The following ADAMTSL3 variants were observed in gnomAD, a reference collection of about 807,000 sequenced individuals.
ADAMTSL3 encodes ADAMTS like 3.
ADAMTSL3 carries 128 observed loss-of-function variants against 201.7 expected under a neutral mutation model. The ratio of observed to expected loss-of-function variants is 0.63; its 90% CI spans 0.55 to 0.73. ADAMTSL3 has a LOEUF of 0.73. ADAMTSL3 is among the 30% of genes least tolerant of loss of function. The probability of loss-of-function intolerance (pLI) is 0.00; values close to 1 mark genes in which losing one functional copy is unlikely to be tolerated. For missense variants in ADAMTSL3, 1,990 were observed against 2,119.6 expected, an observed-to-expected ratio of 0.94 and a Z score of 1.20; for synonymous variants, 738 against 748.4, an observed-to-expected ratio of 0.99 and a Z score of 0.23.
At chr15:83,876,112 A>T (rs191456497) in intron 9 of ADAMTSL3, among the ~76,000 whole-genome samples, 96 of 152,236 alleles carry the variant, frequency 6.3e-4, no homozygotes, top group Middle Eastern at 3.4e-3. Flanking sequence ...GAAGTATCCA[A>T]TTCATCCATT....
chr15:83,752,512 C>T (rs1030718455), intron 3 of ADAMTSL3, among the ~76,000 whole-genome samples: 6 of 152,180 alleles, frequency 3.9e-5, no homozygotes, highest in East Asian at 1.9e-4. Flanking sequence ...CATACATACA[C>T]GCACAAATTT....
At chr15:83,738,113 G>T (rs2062396247) in intron 3 of ADAMTSL3, among the ~76,000 whole-genome samples, 1 of 152,060 alleles carries the variant, frequency 6.6e-6, no homozygotes, top group Admixed American at 6.5e-5. Context: ...ACAAAAACAA[G>T]AATCTAACAA....
At chr15:83,981,675 C>T (rs2067386997) in intron 20 of ADAMTSL3, among the ~76,000 whole-genome samples, 1 of 152,236 alleles carries the variant, frequency 6.6e-6, no homozygotes, top group South Asian at 2.1e-4. Flanking sequence ...ATTGCTTCTT[C>T]AGACCCCCAT....
chr15:83,700,686 C>T (rs1001783383), intron 2 of ADAMTSL3, among the ~76,000 whole-genome samples: 3 of 152,212 alleles, frequency 2.0e-5, no homozygotes, highest in South Asian at 2.1e-4. Context: ...ATTGCTTGAA[C>T]CTGTGAGGCG....
chr15:83,859,425 C>T lies in ADAMTSL3; in HGVS notation c.802+585C>T, dbSNP rs140201648. ...GAGTTCAGCCTCAGTTCCCTCTTAC[C>T]GGAGGTCTCTGTGCCGGTGGATCCA... On this transcript the variant is annotated intron_variant, in intron 8 of 29. Coordinates refer to ENST00000286744, the MANE Select transcript of ADAMTSL3 (RefSeq NM_207517.3). Among the ~76,000 whole-genome samples the T allele has an allele frequency of 5.3e-5, 8 of 152,268 alleles. No homozygotes were observed. In the East Asian group the frequency reaches 5.8e-4, roughly 11 times the overall value.
chr15:84,019,359 G>A lies in ADAMTSL3; in HGVS notation c.4274-2051G>A, dbSNP rs1039857354. Among the ~76,000 whole-genome samples, 12 of 151,626 alleles carry A rather than the reference G, an allele frequency of 7.9e-5. No homozygotes were observed. In the South Asian group the frequency reaches 8.3e-4, roughly 11 times the overall value. ...TTAGCAGCTCCTAAAAAAGTTAAGCGCACACCTACCCTCGACCTAGCAGTT... is the reference window on the plus strand; with the variant it reads ...TTAGCAGCTCCTAAAAAAGTTAAGCACACACCTACCCTCGACCTAGCAGTT... On this transcript the variant is annotated intron_variant, in intron 25 of 29. Coordinates refer to ENST00000286744, the MANE Select transcript of ADAMTSL3 (RefSeq NM_207517.3).
intron 20 of ADAMTSL3, among the ~76,000 whole-genome samples, chr15:83,972,994 A>C (rs909116677): frequency 6.6e-6 from 1 of 152,058 alleles, no homozygotes; most frequent in Admixed American, 6.6e-5. Context: ...CATACCTTCA[A>C]AGGCACCATG....
intron 7 of ADAMTSL3, among the ~76,000 whole-genome samples, chr15:83,843,410 A>G (rs2064425145): frequency 6.6e-6 from 1 of 152,292 alleles, no homozygotes; most frequent in East Asian, 1.9e-4. Context: ...AAGGTAGCAA[A>G]GATTCCTGCC....
At chr15:83,660,835 T>G (rs1376484387) in intron 2 of ADAMTSL3, among the ~76,000 whole-genome samples, 1 of 151,690 alleles carries the variant, frequency 6.6e-6, no homozygotes, top group African/African-American at 2.4e-5. Context: ...CTTTTGGTGT[T>G]TTGGACATGA....
intron 6 of ADAMTSL3, among the ~76,000 whole-genome samples, chr15:83,830,776 C>A (rs2064139028): frequency 6.6e-6 from 1 of 152,162 alleles, no homozygotes; most frequent in African/African-American, 2.4e-5. Context: ...CCATTCCTTG[C>A]CTCTCTTCCA....
chr15:83,682,946 T>A (rs1341424474), intron 2 of ADAMTSL3, among the ~76,000 whole-genome samples: 1 of 152,252 alleles, frequency 6.6e-6, no homozygotes, highest in Non-Finnish European at 1.5e-5. Context: ...TCTGGTGGAC[T>A]AAACTGCCTA....
In ADAMTSL3 at chr15:83,983,081, C is replaced by T. The variant is rs1343664969; in HGVS notation, c.3453C>T (p.Leu1151=). 6.2e-7 allele frequency: 1 copy of T among 1,614,104 alleles called. No individual in the cohort carries two copies. Among genetic ancestry groups the T allele is most frequent in the South Asian group, 1.1e-5 (1 of 91,082 alleles). The change falls in exon 21 of 30, where the codon CTC becomes CTT. Residue 1151 remains leucine (L), a synonymous_variant. Transcript: ENST00000286744. ...AAGAGACACCTCCTGCTGCTCAGCT[C>T]AGAGGGGAAACAGGGAGTGTGTCCC... ...IQEETPPAAQ[L]RGETGSVSQS...
intron 7 of ADAMTSL3, among the ~76,000 whole-genome samples, chr15:83,843,620 C>G (rs559382022): frequency 5.8e-4 from 89 of 152,292 alleles, no homozygotes; most frequent in African/African-American, 2.0e-3. Flanking sequence ...GTGTGCATCA[C>G]TGGAGCCTGC....
intron 4 of ADAMTSL3, among the ~76,000 whole-genome samples, chr15:83,777,681 C>G (rs1179428316): frequency 6.6e-6 from 1 of 152,158 alleles, no homozygotes; most frequent in African/African-American, 2.4e-5. Flanking sequence ...AGAATCAGCA[C>G]AAGAACCCTA....
intron 3 of ADAMTSL3, among the ~76,000 whole-genome samples, chr15:83,742,712 T>C (rs941840530): frequency 1.3e-5 from 2 of 152,256 alleles, no homozygotes; most frequent in African/African-American, 4.8e-5. Flanking sequence ...GTCTGGAAGC[T>C]AGTAAGATTA....
Position 83,822,889 on chromosome 15 carries a change from C to T in ADAMTSL3, c.600+2842C>T, listed in dbSNP as rs867835144. ...AGCGAGCCGAGATCACGCCACTGCA[C>T]TCCAGCCTGGGCACCATTGAGCACT... On this transcript the variant is annotated intron_variant, in intron 6 of 29. Coordinates refer to ENST00000286744, the MANE Select transcript of ADAMTSL3 (RefSeq NM_207517.3). 3.4e-3 allele frequency among the ~76,000 whole-genome samples: 515 copies of T among 152,134 alleles called. 1 individual carries two copies. Among genetic ancestry groups the T allele is most frequent in the African/African-American group, 0.012 (490 of 41,508 alleles).
rs115111662 is a variant in ADAMTSL3 at position 83,891,305 on chromosome 15, T to G, written c.1212-24T>G. 2,951 of 1,563,134 alleles carry G rather than the reference T, an allele frequency of 1.9e-3. 39 individuals carry two copies. The African/African-American group carries it at 0.035, about 19-fold the overall frequency. On this transcript the variant is annotated intron_variant, in intron 11 of 29. Coordinates refer to ENST00000286744, the MANE Select transcript of ADAMTSL3 (RefSeq NM_207517.3). ...GTGTTAATTTATTATAGAAATGATA[T>G]TCTCACAATGATTTCATTTGTAGTG...
intron 6 of ADAMTSL3, among the ~76,000 whole-genome samples, chr15:83,830,951 A>G (rs552329518): frequency 2.0e-5 from 3 of 152,142 alleles, no homozygotes; most frequent in East Asian, 1.9e-4. Context: ...ACAAGAATAT[A>G]TGTTGCCAAG....
At chr15:83,966,248 G>T (rs960731029) in intron 19 of ADAMTSL3, among the ~76,000 whole-genome samples, 1 of 152,084 alleles carries the variant, frequency 6.6e-6, no homozygotes, top group African/African-American at 2.4e-5. Context: ...TCCCAGAGCT[G>T]GTATTTTGAA....
Sources: gnomAD v4.1 joint callset for allele counts (sites outside exome capture counted in the v4.1 genomes callset) on GRCh38, gnomAD v4.1.1 for gene constraint, MANE v1.5 for transcripts, NCBI Gene and HGNC (gene_info 2026-07-23, HGNC 2026-07-21) for gene names.